The following FNDC3B variants were observed in gnomAD, a reference collection of about 807,000 sequenced individuals.
FNDC3B encodes the protein fibronectin type III domain containing 3B, also known as fibronectin type III domain-containing protein 3B.
A neutral mutation model predicts 151.5 loss-of-function variants in FNDC3B; 12 were observed. That is an observed-to-expected ratio of 0.08 (90% CI 0.05 to 0.13). The LOEUF (loss-of-function observed/expected upper bound fraction) is 0.13, where lower values mean the gene tolerates loss of function less well. Among genes scored for constraint, FNDC3B ranks in the 10% least tolerant of loss-of-function variants. FNDC3B has a pLI of 1.00. For missense variants in FNDC3B, 1,214 were observed against 1,505.3 expected (o/e 0.81, Z 3.20); for synonymous variants, 528 against 549.0 (o/e 0.96, Z 0.54).
At chr3:172,270,426 G>A (rs1272625454) in intron 6 of FNDC3B, among the ~76,000 whole-genome samples, 2 of 152,190 alleles carry the variant, frequency 1.3e-5, no homozygotes, top group Admixed American at 1.3e-4. Flanking sequence ...TTGCCACACA[G>A]CATACTTTCT....
intron 1 of FNDC3B, among the ~76,000 whole-genome samples, chr3:172,059,043 A>G (rs1253726299): frequency 1.3e-5 from 2 of 152,186 alleles, no homozygotes; most frequent in African/African-American, 2.4e-5. Flanking sequence ...TCTGGTTTTC[A>G]TCAAAACCAA....
At chr3:172,285,431 C>T (rs11920516) in intron 6 of FNDC3B, among the ~76,000 whole-genome samples, 4,022 of 152,248 alleles carry the variant, frequency 0.026, 168 homozygotes, top group African/African-American at 0.091. Flanking sequence ...TTTTCTTAGA[C>T]ACCCCAGTGG....
Position 172,335,029 on chromosome 3 carries a change from C to T in FNDC3B, c.1727C>T (p.Thr576Ile), listed in dbSNP as rs757447664. 1.1e-5 allele frequency: 17 copies of T among 1,613,270 alleles called. No individual in the cohort carries two copies. Among genetic ancestry groups the T allele is most frequent in the Non-Finnish European group, 1.4e-5 (17 of 1,179,750 alleles). The change falls in exon 15 of 26, where the codon ACC becomes ATC. Residue 576 changes from threonine to isoleucine, a missense_variant. Coordinates refer to ENST00000415807, the MANE Select transcript of FNDC3B (RefSeq NM_022763.4). ...TTSPDRPGPP[T>I]RPLVKGPVTS... is the part of the protein sequence containing the mutation. ...AGTCCTGACAGGCCTGGACCTCCTA[C>T]CAGACCGCTTGTCAAAGGCCCAGTT...
At chr3:172,081,234 CT>C (rs1718264137) in intron 1 of FNDC3B, among the ~76,000 whole-genome samples, 1 of 152,120 alleles carries the variant, frequency 6.6e-6, no homozygotes, top group Admixed American at 6.5e-5. Flanking sequence ...CAGAAATTTG[CT>C]TCTGTCTTAC....
chr3:172,340,604 C>G (rs905633021), intron 16 of FNDC3B, among the ~76,000 whole-genome samples: 1 of 152,134 alleles, frequency 6.6e-6, no homozygotes, highest in African/African-American at 2.4e-5. Context: ...TTAAGTGGAG[C>G]TCCATGAAGG....
intron 6 of FNDC3B, among the ~76,000 whole-genome samples, chr3:172,274,923 C>G (rs1223092859): frequency 6.6e-6 from 1 of 152,204 alleles, no homozygotes; most frequent in Admixed American, 6.5e-5. Context: ...AAGGCCCTAT[C>G]TCCAAATATA....
intron 3 of FNDC3B, among the ~76,000 whole-genome samples, chr3:172,199,194 T>A (rs911096058): frequency 5.3e-5 from 8 of 151,056 alleles, no homozygotes; most frequent in African/African-American, 1.9e-4. Flanking sequence ...TTATTTTTTT[T>A]TTTTTGAGAC....
Position 172,352,683 on chromosome 3 carries a change from T to C in FNDC3B, c.2515-120T>C. On this transcript the variant is annotated intron_variant, in intron 21 of 25. Transcript: ENST00000415807. The surrounding 1 kb of genome is among the most constrained non-coding windows in gnomAD (Gnocchi z 4.2). ...ATAGTAGACATTTTCTAGGATTTATTTCTACCTGCATATGTGGAAATGTGT... is the reference window on the plus strand; with the variant it reads ...ATAGTAGACATTTTCTAGGATTTATCTCTACCTGCATATGTGGAAATGTGT... 9.9e-7 allele frequency: 1 copy of C among 1,011,016 alleles called. No individual in the cohort carries two copies. Among genetic ancestry groups the C allele is most frequent in the Non-Finnish European group, 1.4e-6 (1 of 702,310 alleles). The allele number at this position is 1,011,016 out of a possible 1,614,324, so 62.6% of individuals were successfully genotyped here. A position where few individuals can be genotyped will look rare whatever the true frequency, so the allele number is the denominator to read the frequency against.
rs372501278 is a variant in FNDC3B, at chr3:172,269,684, G to A, written c.791-16242G>A. Among the ~76,000 whole-genome samples, 216 of 152,050 alleles carry A rather than the reference G, an allele frequency of 1.4e-3. 1 individual carries two copies. Among genetic ancestry groups the A allele is most frequent in the African/African-American group, 5.1e-3 (210 of 41,476 alleles). On this transcript the variant is annotated intron_variant, in intron 6 of 25. Coordinates refer to ENST00000415807, the MANE Select transcript of FNDC3B (RefSeq NM_022763.4). ...TTTGGAGAGAGGGTCTCACTCTGTC[G>A]CCCAGGCTGGAGTGCAGTGGCACAG...
rs944920700 is a variant in FNDC3B, at chr3:172,107,126, C to T, written c.-28-5326C>T. ...AAGGGAAGTTAATCACAAGTGCCCA[C>T]GTGGCAGCCTTTCCCTGTCAATCAA... On this transcript the variant is annotated intron_variant, in intron 1 of 25. Coordinates refer to ENST00000415807, the MANE Select transcript of FNDC3B (RefSeq NM_022763.4). Among the ~76,000 whole-genome samples the T allele has an allele frequency of 3.3e-5, 5 of 152,136 alleles. No homozygotes were observed. In the South Asian group the frequency reaches 6.2e-4, roughly 19 times the overall value.
chr3:172,354,077 AGAGGCT>A, intron 22 of FNDC3B, among the ~76,000 whole-genome samples: 1 of 152,288 alleles, frequency 6.6e-6, no homozygotes, highest in South Asian at 2.1e-4. Flanking sequence ...ATCTTGAAGT[AGAGGCT>A]GATTTTTCAA....
intron 4 of FNDC3B, among the ~76,000 whole-genome samples, chr3:172,235,333 T>C (rs1409182870): frequency 6.6e-6 from 1 of 152,164 alleles, no homozygotes; most frequent in Non-Finnish European, 1.5e-5. Context: ...ATCAGGGAAA[T>C]ACAAAATTTC....
intron 22 of FNDC3B, among the ~76,000 whole-genome samples, chr3:172,354,869 CTTT>C (rs770411626): frequency 3.9e-5 from 5 of 129,082 alleles, no homozygotes; most frequent in African/African-American, 5.6e-5. Context: ...GTTTGATTTT[CTTT>C]TTTTTTTTTT....
intron 1 of FNDC3B, among the ~76,000 whole-genome samples, chr3:172,050,666 G>A (rs1341001166): frequency 2.0e-5 from 3 of 151,952 alleles, no homozygotes; most frequent in African/African-American, 7.3e-5. Context: ...TTACAGGCAT[G>A]AGCCACCACG....
intron 1 of FNDC3B, among the ~76,000 whole-genome samples, chr3:172,077,782 A>G: frequency 6.6e-6 from 1 of 152,190 alleles, no homozygotes; most frequent in East Asian, 1.9e-4. Flanking sequence ...TAAATTCCCA[A>G]AGATGGACTG....
At chr3:172,094,842 T>G (rs547789311) in intron 1 of FNDC3B, among the ~76,000 whole-genome samples, 19 of 149,594 alleles carry the variant, frequency 1.3e-4, no homozygotes, top group Admixed American at 1.2e-3. Context: ...GAAGTGAGGT[T>G]CCAGAACTAA....
intron 3 of FNDC3B, among the ~76,000 whole-genome samples, chr3:172,161,992 G>T (rs1206330538): frequency 4.0e-5 from 6 of 148,536 alleles, no homozygotes; most frequent in African/African-American, 7.4e-5. Flanking sequence ...TTTTTTTTGG[G>T]GGGGGACAGA....
At chr3:172,325,638 T>C (rs1383597507) in intron 11 of FNDC3B, among the ~76,000 whole-genome samples, 1 of 152,190 alleles carries the variant, frequency 6.6e-6, no homozygotes, top group Non-Finnish European at 1.5e-5. Flanking sequence ...GGACTTACTC[T>C]ACTCTAATGC....
chr3:172,398,010 G>A lies in FNDC3B; in HGVS notation c.*535G>A, dbSNP rs952627148. 3 of 152,498 alleles carry A rather than the reference G, an allele frequency of 2.0e-5. No individual in the cohort carries two copies. Among genetic ancestry groups the A allele is most frequent in the African/African-American group, 7.2e-5 (3 of 41,424 alleles). The allele number at this position is 152,498 out of a possible 1,614,324, so 9.4% of individuals were successfully genotyped here. On this transcript the variant is annotated 3_prime_UTR_variant, in exon 26 of 26. Coordinates refer to ENST00000415807, the MANE Select transcript of FNDC3B (RefSeq NM_022763.4). ...CCCTAAACAACCATTTTGTCACTCA[G>A]TTATTTAACTGTGTTTAGCTCATTT...
Sources: gnomAD v4.1 joint callset for allele counts (sites outside exome capture counted in the v4.1 genomes callset) on GRCh38, gnomAD v4.1.1 for gene constraint, Gnocchi (gnomAD v3.1) non-coding constraint, MANE v1.5 for transcripts, NCBI Gene and HGNC (gene_info 2026-07-23, HGNC 2026-07-21) for gene names.